FLOT2: variants seen among roughly 807,000 people sequenced by gnomAD.
The protein encoded by FLOT2 is flotillin 2.
FLOT2 carries 35 observed loss-of-function variants against 54.9 expected under a neutral mutation model. That is an observed-to-expected ratio of 0.64 (90% CI 0.49 to 0.84). The LOEUF is 0.84. Among genes scored for constraint, FLOT2 ranks in the 40% least tolerant of loss-of-function variants. FLOT2 has a pLI of 0.00. For synonymous variants in FLOT2, 207 were observed against 228.9 expected, an observed-to-expected ratio of 0.90 and a Z score of 0.86; for missense variants, 464 against 572.1, an observed-to-expected ratio of 0.81 and a Z score of 1.93.
At chr17:28,890,172 T>A (rs188799730) in intron 1 of FLOT2, among the ~76,000 whole-genome samples, 2 of 152,134 alleles carry the variant, frequency 1.3e-5, no homozygotes, top group East Asian at 3.9e-4. Flanking sequence ...GTTCCTCTCA[T>A]GGGAACGGGT....
At chr17:28,889,151 T>A (rs2039602255) in intron 1 of FLOT2, 125 bp from the exon 2 acceptor site, 12 of 740,448 alleles carry the variant, frequency 1.6e-5, no homozygotes, top group Non-Finnish European at 2.8e-5. Context: ...GTTGGGTGCC[T>A]AGTGCTGAGG....
rs2039431146 is a variant in FLOT2, at chr17:28,880,693, G to A, written c.1248+20C>T. 14 of 1,613,924 alleles carry A rather than the reference G, an allele frequency of 8.7e-6. No homozygotes were observed. The highest frequency in any genetic ancestry group is 1.3e-5 in the African/African-American group (1 of 74,918). ...GACGGGCTACCTGGGCAACCCCACC[G>A]CAGCTAGGCAGGCACATACCTTAGA... On this transcript the variant is annotated intron_variant, in intron 10 of 10. Transcript: ENST00000394908.
chr17:28,897,666 ACC>A lies in FLOT2; in HGVS notation c.-94_-93del. Reference sequence around the variant, plus strand: ...CCGGCCGCGCCCAGCCTATCCCGCCACCCCCAGCGGCCGGCCGCCCGCTCGCT... The same window carrying A: ...CCGGCCGCGCCCAGCCTATCCCGCCACCCAGCGGCCGGCCGCCCGCTCGCT... On this transcript the variant is annotated 5_prime_UTR_variant, in exon 1 of 11. Coordinates refer to ENST00000394908, the MANE Select transcript of FLOT2 (RefSeq NM_004475.3). This position sits in a 1 kb window ranked among gnomAD's most constrained non-coding sequence, Gnocchi z 4.4. 1 of 1,158,804 alleles carries A rather than the reference ACC, an allele frequency of 8.6e-7. No individual in the cohort carries two copies. The highest frequency in any genetic ancestry group is 1.1e-6 in the Non-Finnish European group (1 of 904,788). 71.8% of individuals were successfully genotyped at this position (1,158,804 alleles called of 1,614,324 possible).
chr17:28,887,862 G>T (rs1478960512), intron 2 of FLOT2, among the ~76,000 whole-genome samples: 1 of 152,194 alleles, frequency 6.6e-6, no homozygotes, highest in Admixed American at 6.5e-5. Flanking sequence ...CCTCTGGTCG[G>T]GTAAAGTGAG....
chr17:28,881,852 G>C lies in FLOT2; in HGVS notation c.876C>G (p.Ala292=). The part of the protein sequence containing the change: ...LIATVRRPAE[A]EAHRIQQIAE... The stretch of plus-strand genomic sequence containing the variant: ...CAATCTGCTGGATGCGGTGGGCCTC[G>C]GCCTCGGCAGGCCGGCGCACTGTAG... The change falls in exon 8 of 11, where the codon GCC becomes GCG. Residue 292 remains alanine, a synonymous_variant. Coordinates refer to ENST00000394908, the MANE Select transcript of FLOT2 (RefSeq NM_004475.3). 1 of 1,613,474 alleles carries C rather than the reference G, an allele frequency of 6.2e-7. No individual in the cohort carries two copies. Among genetic ancestry groups the C allele is most frequent in the African/African-American group, 1.3e-5 (1 of 75,048 alleles).
chr17:28,891,028 G>A (rs1456273684), intron 1 of FLOT2, among the ~76,000 whole-genome samples: 6 of 151,918 alleles, frequency 3.9e-5, no homozygotes, highest in Admixed American at 3.9e-4. Context: ...CCGCAGGTGT[G>A]TGCCCCCATG....
At chr17:28,889,154 T>C (rs118175106) in intron 1 of FLOT2, 128 bp from the exon 2 acceptor site, 15,092 of 724,838 alleles carry the variant, frequency 0.021, 217 homozygotes, top group Non-Finnish European at 0.029. Context: ...GGGTGCCTAG[T>C]GCTGAGGTTA....
At position 28,881,274 on chromosome 17, in the gene FLOT2, T is replaced by G; in HGVS notation, c.1016A>C (p.Glu339Ala). The change falls in exon 9 of 11, where the codon GAG becomes GCG. Residue 339 changes from glutamate (E) to alanine (A), a missense_variant. Coordinates refer to ENST00000394908, the MANE Select transcript of FLOT2 (RefSeq NM_004475.3). ...GGCTTCTGCCTTGAGCTTCATCCGC[T>G]CAGCCTCTGCCTTGCCCATCGCCTC... ...VIEAMGKAEAERMKLKAEAYQ... is the reference protein window; with the variant it reads ...VIEAMGKAEAARMKLKAEAYQ... 6.2e-7 allele frequency: 1 copy of G among 1,614,134 alleles called. No homozygotes were observed.
intron 9 of FLOT2, 71 bp from the exon 10 acceptor site, chr17:28,880,933 C>T (rs1300964114): frequency 3.2e-6 from 5 of 1,569,864 alleles, no homozygotes; most frequent in East Asian, 2.2e-5. Flanking sequence ...AGCATCTCTC[C>T]CTCCCTTCCT....
chr17:28,882,570 T>C lies in FLOT2; in HGVS notation c.465+3A>G. ...GGAGATACAGCTTCCCATCACGTCGTACCTTGATGGTGAAGCTGAGGATCT... is the reference window on the plus strand; with the variant it reads ...GGAGATACAGCTTCCCATCACGTCGCACCTTGATGGTGAAGCTGAGGATCT... On this transcript the variant is annotated splice_donor_region_variant and intron_variant, in intron 5 of 10. Coordinates refer to ENST00000394908, the MANE Select transcript of FLOT2 (RefSeq NM_004475.3). The surrounding 1 kb of genome is among the most constrained non-coding windows in gnomAD (Gnocchi z 5.6). The C allele has an allele frequency of 6.3e-7, 1 of 1,599,992 alleles. No individual in the cohort carries two copies. Among genetic ancestry groups the C allele is most frequent in the Non-Finnish European group, 8.6e-7 (1 of 1,167,174 alleles).
At chr17:28,886,058 C>CCG (rs568425629) in intron 2 of FLOT2, 6 of 475,470 alleles carry the variant, frequency 1.3e-5, no homozygotes, top group East Asian at 3.4e-5. Flanking sequence ...CGCCTGGGGG[C>CCG]GGGGGGGGGC....
In FLOT2 at chr17:28,882,252, G is replaced by A. The variant is rs2039465465; in HGVS notation, c.580-15C>T. ...CACTCAGCTTCCTGGGGACAAAAGGGGCAGAAGGGGAAGGTGAGTGAGTAG... is the reference window on the plus strand; with the variant it reads ...CACTCAGCTTCCTGGGGACAAAAGGAGCAGAAGGGGAAGGTGAGTGAGTAG... On this transcript the variant is annotated splice_polypyrimidine_tract_variant and intron_variant, in intron 6 of 10. Coordinates refer to ENST00000394908, the MANE Select transcript of FLOT2 (RefSeq NM_004475.3). This position sits in a 1 kb window ranked among gnomAD's most constrained non-coding sequence, Gnocchi z 5.6. The A allele has an allele frequency of 6.2e-7, 1 of 1,613,982 alleles. No homozygotes were observed. Among genetic ancestry groups the A allele is most frequent in the African/African-American group, 1.3e-5 (1 of 74,914 alleles).
chr17:28,895,920 G>A (rs1392427501), intron 1 of FLOT2, among the ~76,000 whole-genome samples: 1 of 152,172 alleles, frequency 6.6e-6, no homozygotes, highest in Non-Finnish European at 1.5e-5. Context: ...CAGGTCCAAG[G>A]AGCAAGGCAG....
chr17:28,897,392 C>T lies in FLOT2; in HGVS notation c.49+134G>A. On this transcript the variant is annotated intron_variant, in intron 1 of 10. Coordinates refer to ENST00000394908, the MANE Select transcript of FLOT2 (RefSeq NM_004475.3). This position sits in a 1 kb window ranked among gnomAD's most constrained non-coding sequence, Gnocchi z 4.4. ...GCACGAGATCTCTCTTGGAAGGGGC[C>T]TCAGGTGCGGCCCGGGGGCCAGCGC... is the stretch of plus-strand genomic sequence containing the variant. 3.8e-6 allele frequency: 3 copies of T among 790,614 alleles called. No individual in the cohort carries two copies. The allele number at this position is 790,614 out of a possible 1,614,324, so 49.0% of individuals were successfully genotyped here.
Position 28,881,823 on chromosome 17 carries a change from T to A in FLOT2, c.905A>T (p.Glu302Val). Residue 302 changes from glutamate (E) to valine (V), a missense_variant, in exon 8 of 11, where the codon GAG becomes GTG. By Grantham distance (121) the Glu-to-Val change is moderately radical (BLOSUM62 -2). Coordinates refer to ENST00000394908, the MANE Select transcript of FLOT2 (RefSeq NM_004475.3). ...CCTGGGCGGCTCTCACTTTTCACCC[T>A]CGGCAATCTGCTGGATGCGGTGGGC... The part of the protein sequence containing the change: ...AEAHRIQQIA[E>V]GEKVKQVLLA... 1 of 1,613,290 alleles carries A rather than the reference T, an allele frequency of 6.2e-7. No individual in the cohort carries two copies. The highest frequency in any genetic ancestry group is 8.5e-7 in the Non-Finnish European group (1 of 1,180,018).
At chr17:28,889,244 G>C (rs1386901925) in intron 1 of FLOT2, among the ~76,000 whole-genome samples, 1 of 152,294 alleles carries the variant, frequency 6.6e-6, no homozygotes, top group South Asian at 2.1e-4. Flanking sequence ...TACATAAAGA[G>C]AAGGATAGCC....
chr17:28,885,971 G>C, intron 2 of FLOT2: 1 of 1,459,980 alleles, frequency 6.8e-7, no homozygotes, highest in Non-Finnish European at 9.4e-7. Flanking sequence ...AGGGGGTGGG[G>C]AGAGGTAGGG....
chr17:28,888,968 C>T lies in FLOT2; in HGVS notation c.108G>A (p.Trp36Ter), dbSNP rs369088966. The change falls in exon 2 of 11, where the codon TGG (tryptophan) becomes TGA (stop). Residue 36 changes from tryptophan (W) to a stop codon, truncating the protein, a stop_gained. Transcript: ENST00000394908. LOFTEE classifies it high-confidence loss of function. ...ACCTCTGAGTGTCGGAGATACACCA[C>T]CAGGCCCAGGCCCAGCCGCCAAACA... ...QYVFGGWAWAWWCISDTQRIS... is the reference protein window; with the variant it reads ...QYVFGGWAWA The T allele has an allele frequency of 3.6e-5, 58 of 1,613,958 alleles. No homozygotes were observed. Among genetic ancestry groups the T allele is most frequent in the Non-Finnish European group, 4.7e-5 (55 of 1,179,936 alleles).
Position 28,897,317 on chromosome 17 carries a change from AG to A in FLOT2, c.49+208del, listed in dbSNP as rs1354773304. Among the ~76,000 whole-genome samples the A allele has an allele frequency of 1.3e-5, 2 of 152,322 alleles. No individual in the cohort carries two copies. Among genetic ancestry groups the A allele is most frequent in the East Asian group, 1.9e-4 (1 of 5,184 alleles). On this transcript the variant is annotated intron_variant, in intron 1 of 10. Coordinates refer to ENST00000394908, the MANE Select transcript of FLOT2 (RefSeq NM_004475.3). This position sits in a 1 kb window ranked among gnomAD's most constrained non-coding sequence, Gnocchi z 4.4. ...TAAACACAGGAAAACCCACAGCGGG[AG>A]GGGGAGCCCCTGGTGGGTGCCCGAG...
Sources: allele counts gnomAD v4.1 joint callset (sites outside exome capture counted in the v4.1 genomes callset), GRCh38; gene constraint gnomAD v4.1.1; non-coding constraint Gnocchi (gnomAD v3.1); transcripts MANE v1.5; gene names NCBI Gene and HGNC (gene_info 2026-07-23, HGNC 2026-07-21).